Variants in SLC24A3 observed in about 807,000 individuals in gnomAD.
SLC24A3 encodes the protein solute carrier family 24 member 3.
SLC24A3 carries 28 observed loss-of-function variants against 75.8 expected under a neutral mutation model. The ratio of observed to expected loss-of-function variants is 0.37; its 90% CI spans 0.27 to 0.51. The LOEUF (loss-of-function observed/expected upper bound fraction) is 0.51. Among genes scored for constraint, SLC24A3 ranks in the 20% least tolerant of loss-of-function variants. The pLI is 0.94. For synonymous variants in SLC24A3, 372 were observed against 334.1 expected, an observed-to-expected ratio of 1.11 and a Z score of -1.24; for missense variants, 663 against 847.8, an observed-to-expected ratio of 0.78 and a Z score of 2.71.
rs903609698 is a variant in SLC24A3, at chr20:19,434,665, C to T, written c.272-80823C>T. Among the ~76,000 whole-genome samples the T allele has an allele frequency of 3.9e-5, 6 of 152,202 alleles. No individual in the cohort carries two copies. The South Asian group carries it at 1.0e-3, about 26-fold the overall frequency. On this transcript the variant is annotated intron_variant, in intron 2 of 16. Transcript: ENST00000328041. The stretch of plus-strand genomic sequence containing the variant: ...ATCCCTCTAATAGGCAGCACAGCTG[C>T]CTCTGGATGGTTATTTGTTCTTGGC...
At chr20:19,633,258 G>A (rs1600311949) in intron 6 of SLC24A3, among the ~76,000 whole-genome samples, 1 of 152,152 alleles carries the variant, frequency 6.6e-6, no homozygotes, top group Non-Finnish European at 1.5e-5. Context: ...TACTTCTTCC[G>A]AAGCCTTCCT....
At chr20:19,518,759 T>A (rs988775451) in intron 3 of SLC24A3, among the ~76,000 whole-genome samples, 1 of 152,208 alleles carries the variant, frequency 6.6e-6, no homozygotes, top group Non-Finnish European at 1.5e-5. Context: ...TGTGCTGCAT[T>A]AGCTCAGGCT....
At chr20:19,606,299 AT>A (rs1426422954) in intron 6 of SLC24A3, among the ~76,000 whole-genome samples, 1 of 152,218 alleles carries the variant, frequency 6.6e-6, no homozygotes, top group Non-Finnish European at 1.5e-5. Flanking sequence ...ATGGGGAAGG[AT>A]GACATATCAT....
At chr20:19,392,294 G>A (rs932699876) in intron 2 of SLC24A3, among the ~76,000 whole-genome samples, 13 of 152,272 alleles carry the variant, frequency 8.5e-5, no homozygotes, top group Admixed American at 3.3e-4. Context: ...GGGTGGTCAC[G>A]GAGGGACATA....
chr20:19,582,432 G>A (rs1443987039), intron 4 of SLC24A3, among the ~76,000 whole-genome samples: 1 of 152,232 alleles, frequency 6.6e-6, no homozygotes, highest in East Asian at 1.9e-4. Context: ...TGGAGGTCAG[G>A]GCAGATTCTC....
At position 19,671,864 on chromosome 20, in the gene SLC24A3, A is replaced by G. The variant is rs1308435543; in HGVS notation, c.714-1737A>G. Among the ~76,000 whole-genome samples, 5 of 152,234 alleles carry G rather than the reference A, an allele frequency of 3.3e-5. No homozygotes were observed. In the East Asian group the frequency reaches 7.7e-4, roughly 24 times the overall value. On this transcript the variant is annotated intron_variant, in intron 8 of 16. Coordinates refer to ENST00000328041, the MANE Select transcript of SLC24A3 (RefSeq NM_020689.4). ...ATGAGGTCACCTAGGGAGAAAACAT[A>G]GGCAATAAAGATGGCCCAATAATGA...
chr20:19,343,068 T>C (rs1322727180), intron 2 of SLC24A3, among the ~76,000 whole-genome samples: 1 of 44,612 alleles, frequency 2.2e-5, no homozygotes, highest in Non-Finnish European at 3.6e-5. Flanking sequence ...AGACTCCATC[T>C]CAAAAAAAAA....
intron 2 of SLC24A3, among the ~76,000 whole-genome samples, chr20:19,328,137 G>T (rs1984913620): frequency 6.6e-6 from 1 of 152,056 alleles, no homozygotes; most frequent in Non-Finnish European, 1.5e-5. Flanking sequence ...CAGGCAGAGG[G>T]GCAGCAAAGG....
chr20:19,507,325 G>C (rs1600257867), intron 2 of SLC24A3, among the ~76,000 whole-genome samples: 1 of 152,318 alleles, frequency 6.6e-6, no homozygotes, highest in East Asian at 1.9e-4. Context: ...CGTGCAAAAG[G>C]CTGTAGGGAT....
intron 2 of SLC24A3, among the ~76,000 whole-genome samples, chr20:19,287,337 C>T (rs1446237545): frequency 6.6e-6 from 1 of 152,248 alleles, no homozygotes; most frequent in South Asian, 2.1e-4. Context: ...CCGATGCTCA[C>T]ATTCCATTGG....
At chr20:19,539,182 G>A (rs1600271912) in intron 3 of SLC24A3, among the ~76,000 whole-genome samples, 1 of 152,194 alleles carries the variant, frequency 6.6e-6, no homozygotes, top group Non-Finnish European at 1.5e-5. Flanking sequence ...TATTCACTGT[G>A]TAAAAATTCA....
chr20:19,449,006 T>G (rs1236016530), intron 2 of SLC24A3, among the ~76,000 whole-genome samples: 1 of 152,110 alleles, frequency 6.6e-6, no homozygotes. Flanking sequence ...TGGACACATG[T>G]AGGGACCTGC....
Position 19,679,514 on chromosome 20 carries a change from C to CGTGGGGAGAGGGAGACT in SLC24A3, c.768-2328_768-2327insTGTGGGGAGAGGGAGAC, listed in dbSNP as rs1261428515. On this transcript the variant is annotated intron_variant, in intron 9 of 16. Coordinates refer to ENST00000328041, the MANE Select transcript of SLC24A3 (RefSeq NM_020689.4). ...CGTGGAAAGAGACGGAGAGGGAGAC[C>CGTGGGGAGAGGGAGACT]GTGGGGAGAGGGAGACCGTGGGGAG... Among the ~76,000 whole-genome samples the CGTGGGGAGAGGGAGACT allele has an allele frequency of 1.8e-4, 25 of 141,718 alleles. No homozygotes were observed. In the East Asian group the frequency reaches 4.4e-3, roughly 25 times the overall value. The allele number at this position is 141,718 out of a possible 152,430, so 93.0% of individuals were successfully genotyped here.
intron 2 of SLC24A3, among the ~76,000 whole-genome samples, chr20:19,499,627 C>T (rs1434939678): frequency 1.3e-5 from 2 of 152,090 alleles, no homozygotes; most frequent in South Asian, 2.1e-4. Context: ...TGTGAGGGCT[C>T]CACCCTCATG....
At chr20:19,543,173 C>T (rs551674377) in intron 3 of SLC24A3, among the ~76,000 whole-genome samples, 5 of 152,086 alleles carry the variant, frequency 3.3e-5, no homozygotes, top group African/African-American at 1.2e-4. Flanking sequence ...TTATAAAGAT[C>T]AAAAATTCCA....
intron 1 of SLC24A3, among the ~76,000 whole-genome samples, chr20:19,279,514 A>G (rs1983593734): frequency 6.6e-6 from 1 of 151,782 alleles, no homozygotes; most frequent in South Asian, 2.1e-4. Context: ...TCCTTCCTGA[A>G]ATTCTCTTTC....
Position 19,513,727 on chromosome 20 carries a change from C to A in SLC24A3, c.272-1761C>A, listed in dbSNP as rs1459759022. 4.2e-5 allele frequency among the ~76,000 whole-genome samples: 4 copies of A among 95,798 alleles called. No homozygotes were observed. In the East Asian group the frequency reaches 1.1e-3, roughly 26 times the overall value. The allele number at this position is 95,798 out of a possible 152,430, so 62.8% of individuals were successfully genotyped here. On this transcript the variant is annotated intron_variant, in intron 2 of 16. Transcript: ENST00000328041. ...TGGCTAGACACACAGGTGGGTCTTGCTTTTTTTTTAGAAAAAAAAAAAAAG... is the reference window on the plus strand; with the variant it reads ...TGGCTAGACACACAGGTGGGTCTTGATTTTTTTTTAGAAAAAAAAAAAAAG...
chr20:19,322,466 T>C (rs1984735600), intron 2 of SLC24A3, among the ~76,000 whole-genome samples: 1 of 151,780 alleles, frequency 6.6e-6, no homozygotes, highest in Admixed American at 6.6e-5. Flanking sequence ...ATTGTTCTTT[T>C]TGGTTTTCAA....
At chr20:19,277,273 G>A (rs1425089636) in intron 1 of SLC24A3, among the ~76,000 whole-genome samples, 1 of 152,196 alleles carries the variant, frequency 6.6e-6, no homozygotes, top group Non-Finnish European at 1.5e-5. Context: ...GTATTTCCAT[G>A]TAGGGTTTTC....
Sources: allele counts gnomAD v4.1 joint callset (sites outside exome capture counted in the v4.1 genomes callset), GRCh38; gene constraint gnomAD v4.1.1; transcripts MANE v1.5; gene names NCBI Gene and HGNC (gene_info 2026-07-23, HGNC 2026-07-21).